SF3B2: variants seen among roughly 807,000 people sequenced by gnomAD.
SF3B2 encodes splicing factor 3b subunit 2, also known as SAP 145.
In SF3B2, 22 loss-of-function variants were observed where a neutral mutation model predicts 116.3. The observed-to-expected ratio is 0.19, with a 90% confidence interval of 0.14 to 0.27. The LOEUF (loss-of-function observed/expected upper bound fraction) is 0.27, where lower values mean the gene tolerates loss of function less well. SF3B2 is among the 10% of genes least tolerant of loss of function. The probability of loss-of-function intolerance (pLI) is 1.00; values close to 1 mark genes in which losing one functional copy is unlikely to be tolerated. For missense variants in SF3B2, 767 were observed against 1,151.4 expected (o/e 0.67, Z 4.83); for synonymous variants, 406 against 421.6 (o/e 0.96, Z 0.45).
Position 66,068,837 on chromosome 11 carries a change from C to A in SF3B2, c.*92C>A. On this transcript the variant is annotated 3_prime_UTR_variant, in exon 22 of 22. Transcript: ENST00000322535. ...TCTCCCGCAGTTCCCAAGGACTTGT[C>A]ATTTCATGTTCTTATTTTAGACCTG... The A allele has an allele frequency of 1.0e-6, 1 of 984,524 alleles. No homozygotes were observed. The highest frequency in any genetic ancestry group is 1.4e-5 in the South Asian group (1 of 71,198). 61.0% of individuals were successfully genotyped at this position (984,524 alleles called of 1,614,324 possible).
intron 19 of SF3B2, chr11:66,067,550 G>A (rs1428451420): frequency 6.5e-6 from 3 of 458,462 alleles, no homozygotes; most frequent in Admixed American, 4.7e-5. Flanking sequence ...CTGGAAGTGT[G>A]AATTACATAC....
chr11:66,068,562 T>G (rs1418742155), intron 21 of SF3B2, 112 bp from the exon 22 acceptor site: 27 of 976,774 alleles, frequency 2.8e-5, no homozygotes, highest in Admixed American at 4.8e-5. Flanking sequence ...AGAATTCAGA[T>G]TCAGCGCCTT....
intron 4 of SF3B2, 78 bp downstream of exon 4, chr11:66,055,393 C>G: frequency 5.7e-6 from 9 of 1,590,604 alleles, no homozygotes; most frequent in Non-Finnish European, 7.7e-6. Context: ...AAGCTGGGTC[C>G]TAGAACTAAG....
intron 2 of SF3B2, 72 bp downstream of exon 2, chr11:66,052,791 C>A: frequency 6.8e-7 from 1 of 1,477,946 alleles, no homozygotes; most frequent in South Asian, 1.3e-5. Context: ...CATCACGGCT[C>A]GGTCTTCATT....
chr11:66,055,770 G>A (rs886937779), intron 5 of SF3B2, 185 bp downstream of exon 5: 8 of 589,318 alleles, frequency 1.4e-5, no homozygotes, highest in Non-Finnish European at 2.1e-5. Flanking sequence ...CCTGTGGCCT[G>A]CATGTGTATG....
chr11:66,064,861 T>A (rs1261184945), intron 19 of SF3B2: 2 of 152,236 alleles, frequency 1.3e-5, no homozygotes, highest in Admixed American at 1.3e-4. Context: ...GTCTGCTGGT[T>A]TTGAATTTGT....
At position 66,058,831 on chromosome 11, in the gene SF3B2, A is replaced by C; in HGVS notation, c.968A>C (p.Lys323Thr). ...EDTVSVSKKE[K>T]NRKRRNRKKK... ...AGCTGGTTTTCCTCCTCTTGACAGA[A>C]AAACCGGAAGCGTAGGAACCGAAAG... The change falls in exon 10 of 22, where the codon AAA becomes ACA. Residue 323 changes from lysine to threonine, a missense_variant and splice_region_variant. By Grantham distance (78) the Lys-to-Thr change is moderately conservative. This residue lies in a region of SF3B2 where 455 missense variants were observed against 537.5 expected (regional missense o/e 0.85). Transcript: ENST00000322535. 9 of 1,607,736 alleles carry C rather than the reference A, an allele frequency of 5.6e-6. No individual in the cohort carries two copies. The highest frequency in any genetic ancestry group is 7.6e-6 in the Non-Finnish European group (9 of 1,177,830).
At chr11:66,067,780 C>G (rs477280) in intron 19 of SF3B2, 166 bp from the exon 20 acceptor site, 198 of 613,126 alleles carry the variant, frequency 3.2e-4, no homozygotes, top group Non-Finnish European at 2.8e-4. Context: ...GCCACCCCCC[C>G]GCCCAATTCT....
intron 19 of SF3B2, chr11:66,067,638 A>T (rs922314541): frequency 3.3e-5 from 16 of 478,244 alleles, no homozygotes; most frequent in Admixed American, 4.9e-5. Flanking sequence ...TCTGTACCAA[A>T]GTTCTTTTGG....
In SF3B2 at chr11:66,056,947, G is replaced by A. The variant is rs767866142; in HGVS notation, c.659G>A (p.Gly220Asp). The change falls in exon 6 of 22, where the codon GGT (glycine) becomes GAT (aspartate). Residue 220 changes from glycine (G) to aspartate (D), a missense_variant. Gly to Asp is a moderately conservative substitution (Grantham distance 94, BLOSUM62 -1). This residue lies in a region of SF3B2 where 455 missense variants were observed against 537.5 expected (regional missense o/e 0.85). Coordinates refer to ENST00000322535, the MANE Select transcript of SF3B2 (RefSeq NM_006842.3). ...CAGATTGGTGTGCGCACTCCTCTGG[G>A]TCCTCGAGGTGAGACCCTGGAACCG... ...MGQIGVRTPL[G>D]PRVAAPVGPV... 1.2e-6 allele frequency: 2 copies of A among 1,612,564 alleles called. No individual in the cohort carries two copies. The highest frequency in any genetic ancestry group is 1.7e-5 in the Admixed American group (1 of 60,024).
At chr11:66,057,554 G>A (rs1407031146) in intron 7 of SF3B2, among the ~76,000 whole-genome samples, 179 bp downstream of exon 7, 4 of 152,136 alleles carry the variant, frequency 2.6e-5, no homozygotes, top group Non-Finnish European at 5.9e-5. Context: ...ACATTACTGA[G>A]GCAGAGTCTT....
chr11:66,056,723 A>G, intron 5 of SF3B2, 115 bp from the exon 6 acceptor site: 3 of 733,704 alleles, frequency 4.1e-6, no homozygotes, highest in Non-Finnish European at 7.3e-6. Flanking sequence ...TCAGCACCCA[A>G]GTGGTTCGTG....
intron 19 of SF3B2, chr11:66,064,615 TTG>T (rs1455958952): frequency 6.6e-6 from 1 of 152,240 alleles, no homozygotes; most frequent in African/African-American, 2.4e-5. Flanking sequence ...TTTCATTTCT[TTG>T]TGTATATCCA....
At chr11:66,067,315 A>G (rs1423714675) in intron 19 of SF3B2, 4 of 432,436 alleles carry the variant, frequency 9.2e-6, no homozygotes, top group Admixed American at 5.0e-5. Flanking sequence ...GATAATGATC[A>G]GAAGCCTCAG....
intron 6 of SF3B2, 133 bp from the exon 7 acceptor site, chr11:66,057,133 C>T (rs1316423636): frequency 2.3e-6 from 2 of 857,420 alleles, no homozygotes; most frequent in East Asian, 4.8e-5. Context: ...CAAAACATTA[C>T]CAGCATTCCA....
intron 14 of SF3B2, 95 bp from the exon 15 acceptor site, chr11:66,061,591 A>C: frequency 1.1e-6 from 1 of 908,340 alleles, no homozygotes. Flanking sequence ...GGAGCCAGGT[A>C]GCCCTCACTG....
At chr11:66,060,151 C>T (rs1857076702) in intron 13 of SF3B2, 142 bp downstream of exon 13, 2 of 762,628 alleles carry the variant, frequency 2.6e-6, no homozygotes, top group Admixed American at 2.4e-5. Context: ...TCCTCCTCTG[C>T]TCTTCCTCCC....
Position 66,068,664 on chromosome 11 carries a change from C to T in SF3B2, c.2617-10C>T. ...CCTGTCTTAACCTGTGTCTCTTTCT[C>T]CCTATACAGCAAAAAAAACGGAAAG... On this transcript the variant is annotated splice_polypyrimidine_tract_variant and intron_variant, in intron 21 of 21. Transcript: ENST00000322535. 3.1e-6 allele frequency: 5 copies of T among 1,613,800 alleles called. No homozygotes were observed. The highest frequency in any genetic ancestry group is 4.2e-6 in the Non-Finnish European group (5 of 1,179,804).
In SF3B2 at chr11:66,055,159, C is replaced by G. The variant is rs779682369; in HGVS notation, c.342C>G (p.Gly114=). The stretch of plus-strand genomic sequence containing the variant: ...CGCCACCCCCACCACCTCCACCAGG[C>G]CTTGGCCTTGGCTTTCCTATGGCCC... ...PPPPPPPPPP[G]LGLGFPMAHP... Residue 114 remains glycine (G), a synonymous_variant, in exon 4 of 22, where the codon GGC becomes GGG. Transcript: ENST00000322535. 1.2e-6 allele frequency: 2 copies of G among 1,605,418 alleles called. No homozygotes were observed. Among genetic ancestry groups the G allele is most frequent in the African/African-American group, 2.7e-5 (2 of 74,802 alleles).
Sources: gnomAD v4.1 joint callset for allele counts (sites outside exome capture counted in the v4.1 genomes callset) on GRCh38, gnomAD v4.1.1 for gene constraint, gnomAD v4.1.1 regional missense constraint, MANE v1.5 for transcripts, NCBI Gene and HGNC (gene_info 2026-07-23, HGNC 2026-07-21) for gene names.